The following LAX1 variants were observed in gnomAD, a reference collection of about 807,000 sequenced individuals.
The protein encoded by LAX1 is lymphocyte transmembrane adaptor 1, also known as lymphocyte transmembrane adapter 1.
LAX1 carries 17 observed loss-of-function variants against 20.7 expected under a neutral mutation model. That is an observed-to-expected ratio of 0.82 (90% CI 0.56 to 1.23). The LOEUF (loss-of-function observed/expected upper bound fraction) is 1.23, where lower values mean the gene tolerates loss of function less well. Ranked by LOEUF, LAX1 falls within the 50% of genes most tolerant of loss-of-function variation. The probability of loss-of-function intolerance (pLI) is 0.00; values close to 1 mark genes in which losing one functional copy is unlikely to be tolerated. For missense variants in LAX1, 470 were observed against 487.0 expected, an observed-to-expected ratio of 0.97 and a Z score of 0.33; for synonymous variants, 165 against 181.0, an observed-to-expected ratio of 0.91 and a Z score of 0.71.
intron 3 of LAX1, among the ~76,000 whole-genome samples, 184 bp from the exon 4 acceptor site, chr1:203,771,884 A>AG (rs1162476511): frequency 2.6e-5 from 4 of 152,084 alleles, no homozygotes; most frequent in Non-Finnish European, 1.5e-5. Flanking sequence ...ACAGAAGCTG[A>AG]GGGGCTTCCG....
chr1:203,770,730 C>T, intron 1 of LAX1, 98 bp from the exon 2 acceptor site: 1 of 954,854 alleles, frequency 1.0e-6, no homozygotes, highest in South Asian at 1.4e-5. Context: ...CACTCGGCTC[C>T]CATTCCAAAT....
intron 1 of LAX1, among the ~76,000 whole-genome samples, chr1:203,768,536 A>C (rs955057337): frequency 6.6e-6 from 1 of 152,160 alleles, no homozygotes; most frequent in East Asian, 1.9e-4. Flanking sequence ...TGTGCTCTGC[A>C]TGGGCAAGGG....
At chr1:203,771,558 A>G in intron 3 of LAX1, 81 bp downstream of exon 3, 1 of 885,002 alleles carries the variant, frequency 1.1e-6, no homozygotes. Flanking sequence ...TCCAGAAGCA[A>G]TTTTCTTTAA....
At position 203,773,957 on chromosome 1, in the gene LAX1, C is replaced by A; in HGVS notation, c.473C>A (p.Ala158Asp). 2 of 1,613,904 alleles carry A rather than the reference C, an allele frequency of 1.2e-6. No homozygotes were observed. Among genetic ancestry groups the A allele is most frequent in the South Asian group, 2.2e-5 (2 of 91,068 alleles). The part of the protein sequence containing the change: ...TEYAVGIYDN[A>D]MVPQMCGNLT... ...TACGCGGTGGGTATCTATGACAACG[C>A]CATGGTCCCCCAGATGTGTGGGAAC... Residue 158 changes from alanine (A) to aspartate (D), a missense_variant, in exon 5 of 5, where the codon GCC becomes GAC. Ala to Asp is a moderately radical substitution (Grantham distance 126). Coordinates refer to ENST00000442561, the MANE Select transcript of LAX1 (RefSeq NM_017773.4).
Position 203,773,867 on chromosome 1 carries a change from C to T in LAX1, c.391-8C>T. On this transcript the variant is annotated splice_polypyrimidine_tract_variant and splice_region_variant and intron_variant, in intron 4 of 4. Coordinates refer to ENST00000442561, the MANE Select transcript of LAX1 (RefSeq NM_017773.4). ...ATCTGACCACTGGCTTCCTTTTCTTCTTCATAGCCCTCCCAAGCAGGCAAT... is the reference window on the plus strand; with the variant it reads ...ATCTGACCACTGGCTTCCTTTTCTTTTTCATAGCCCTCCCAAGCAGGCAAT... 3.5e-6 allele frequency: 5 copies of T among 1,418,442 alleles called. No individual in the cohort carries two copies. Among genetic ancestry groups the T allele is most frequent in the Non-Finnish European group, 4.7e-6 (5 of 1,063,442 alleles). 87.9% of individuals were successfully genotyped at this position (1,418,442 alleles called of 1,614,324 possible). A position where few individuals can be genotyped will look rare whatever the true frequency, so the allele number is the denominator to read the frequency against.
At position 203,774,220 on chromosome 1, in the gene LAX1, T is replaced by C. The variant is rs771618855; in HGVS notation, c.736T>C (p.Ser246Pro). 7 of 1,614,192 alleles carry C rather than the reference T, an allele frequency of 4.3e-6. No homozygotes were observed. The Admixed American group carries it at 1.2e-4, about 27-fold the overall frequency. Residue 246 changes from serine to proline, a missense_variant, in exon 5 of 5, where the codon TCT (serine) becomes CCT (proline). Coordinates refer to ENST00000442561, the MANE Select transcript of LAX1 (RefSeq NM_017773.4). ...GDAGDCTSLY[S>P]PGAEDSDSLS... ...TGCTGGTGACTGCACCAGTTTGTAT[T>C]CTCCAGGAGCTGAGGACAGTGATTC...
rs1288013779 is a variant in LAX1, at chr1:203,775,112, T to TA, written c.*432dup. On this transcript the variant is annotated 3_prime_UTR_variant, in exon 5 of 5. Coordinates refer to ENST00000442561, the MANE Select transcript of LAX1 (RefSeq NM_017773.4). ...TGGGCAATTTCCATTTTAAAGAGTG[T>TA]AGGCAGGCCAGGTGCAGTGGCTCAT... 1 of 173,040 alleles carries TA rather than the reference T, an allele frequency of 5.8e-6. No homozygotes were observed. The highest frequency in any genetic ancestry group is 1.2e-5 in the Non-Finnish European group (1 of 80,966). The allele number at this position is 173,040 out of a possible 1,614,324, so 10.7% of individuals were successfully genotyped here.
Position 203,765,318 on chromosome 1 carries a change from C to T in LAX1, c.-248C>T. The T allele has an allele frequency of 1.3e-6, 2 of 1,550,548 alleles. No individual in the cohort carries two copies. Among genetic ancestry groups the T allele is most frequent in the South Asian group, 1.2e-5 (1 of 84,034 alleles). The stretch of plus-strand genomic sequence containing the variant: ...GAGGCCACAGATTCTCCCTGAGCCA[C>T]CTCACTTGGAAGCACCATGTCCGGA... On this transcript the variant is annotated 5_prime_UTR_variant, in exon 1 of 5. Coordinates refer to ENST00000442561, the MANE Select transcript of LAX1 (RefSeq NM_017773.4).
chr1:203,770,506 GAAGGAAGAAAGAAAGA>G (rs1185894849), intron 1 of LAX1, among the ~76,000 whole-genome samples: 33 of 24,104 alleles, frequency 1.4e-3, no homozygotes, highest in African/African-American at 3.9e-3. Flanking sequence ...AGGAAGGAAG[GAAGGAAGAAAGAAAGA>G]AAGAAAGAAA....
intron 1 of LAX1, among the ~76,000 whole-genome samples, chr1:203,767,470 G>C (rs1291592528): frequency 6.7e-6 from 1 of 149,908 alleles, no homozygotes; most frequent in Non-Finnish European, 1.5e-5. Context: ...ACCATGCCTG[G>C]CTAATTTTGT....
At chr1:203,768,376 C>T (rs1667339201) in intron 1 of LAX1, among the ~76,000 whole-genome samples, 1 of 152,118 alleles carries the variant, frequency 6.6e-6, no homozygotes, top group Non-Finnish European at 1.5e-5. Context: ...AGCAAGGGGA[C>T]TGCAAGTAAT....
At chr1:203,770,282 G>A (rs761908503) in intron 1 of LAX1, among the ~76,000 whole-genome samples, 1 of 151,420 alleles carries the variant, frequency 6.6e-6, no homozygotes, top group Non-Finnish European at 1.5e-5. Context: ...TGGGCCTCAT[G>A]GCACGCTCCT....
chr1:203,770,240 A>G (rs374639912), intron 1 of LAX1, among the ~76,000 whole-genome samples: 1 of 149,034 alleles, frequency 6.7e-6, no homozygotes, highest in African/African-American at 2.5e-5. Context: ...ATGTGGTGAA[A>G]CCCCGCCTCT....
At chr1:203,766,130 T>C (rs149484607) in intron 1 of LAX1, among the ~76,000 whole-genome samples, 1 of 152,314 alleles carries the variant, frequency 6.6e-6, no homozygotes, top group African/African-American at 2.4e-5. Flanking sequence ...TGCTACTACT[T>C]TCAATCTCAT....
intron 4 of LAX1, among the ~76,000 whole-genome samples, chr1:203,773,193 T>C (rs537739957): frequency 1.3e-5 from 2 of 152,266 alleles, no homozygotes; most frequent in South Asian, 2.1e-4. Flanking sequence ...TTCAGCACTG[T>C]AGCTGATATA....
rs201039228 is a variant in LAX1, at chr1:203,774,469, G to A, written c.985G>A (p.Gly329Arg). ...GHVEDKTDDP[G>R]THVQCVKRTF... ...TGTCGAGGACAAGACAGATGATCCC[G>A]GGACCCATGTCCAATGTGTCAAAAG... is the stretch of plus-strand genomic sequence containing the variant. Residue 329 changes from glycine (G) to arginine (R), a missense_variant, in exon 5 of 5, where the codon GGG becomes AGG. By Grantham distance (125) the Gly-to-Arg change is moderately radical. Transcript: ENST00000442561. 1.3e-4 allele frequency: 205 copies of A among 1,614,218 alleles called. No homozygotes were observed. The highest frequency in any genetic ancestry group is 5.1e-4 in the East Asian group (23 of 44,884).
rs745387928 is a variant in LAX1, at chr1:203,774,576, G to T, written c.1092G>T (p.Glu364Asp). The T allele has an allele frequency of 1.9e-6, 3 of 1,614,102 alleles. No individual in the cohort carries two copies. Among genetic ancestry groups the T allele is most frequent in the African/African-American group, 2.7e-5 (2 of 74,936 alleles). Reference protein sequence around the residue: ...SEDSQMKHREEMSNEDSSDYE... With the variant: ...SEDSQMKHREDMSNEDSSDYE... ...ACAGTCAGATGAAACATAGAGAAGA[G>T]ATGTCAAATGAGGACTCCAGTGACT... Residue 364 changes from glutamate to aspartate, a missense_variant, in exon 5 of 5, where the codon GAG becomes GAT. By Grantham distance (45) the Glu-to-Asp change is conservative. Coordinates refer to ENST00000442561, the MANE Select transcript of LAX1 (RefSeq NM_017773.4).
rs755164305 is a variant in LAX1 at position 203,767,303 on chromosome 1, C to CTT, written c.89+1669_89+1670dup. ...GTAACCACCATTCTACTCTCCACTTCTTTTTTTTTTTTTTTTTTTTTGAGA... is the reference window on the plus strand; with the variant it reads ...GTAACCACCATTCTACTCTCCACTTCTTTTTTTTTTTTTTTTTTTTTTTGAGA... On this transcript the variant is annotated intron_variant, in intron 1 of 4. Coordinates refer to ENST00000442561, the MANE Select transcript of LAX1 (RefSeq NM_017773.4). Among the ~76,000 whole-genome samples the CTT allele has an allele frequency of 5.0e-3, 448 of 90,418 alleles. 32 individuals are homozygous for CTT. Among genetic ancestry groups the CTT allele is most frequent in the Admixed American group, 0.049 (311 of 6,338 alleles). 59.3% of individuals were successfully genotyped at this position (90,418 alleles called of 152,430 possible).
At chr1:203,772,612 G>C (rs2102269046) in intron 4 of LAX1, among the ~76,000 whole-genome samples, 1 of 152,146 alleles carries the variant, frequency 6.6e-6, no homozygotes, top group South Asian at 2.1e-4. Context: ...ATTTTTAGTA[G>C]AGACGGGGTT....
Sources: allele counts gnomAD v4.1 joint callset (sites outside exome capture counted in the v4.1 genomes callset), GRCh38; gene constraint gnomAD v4.1.1; transcripts MANE v1.5; gene names NCBI Gene and HGNC (gene_info 2026-07-23, HGNC 2026-07-21).